MICAL2: variants seen among roughly 807,000 people sequenced by gnomAD.
The protein encoded by MICAL2 is [F-actin]-monooxygenase MICAL2.
A neutral mutation model predicts 127.3 loss-of-function variants in MICAL2; 77 were observed. That is an observed-to-expected ratio of 0.60 (90% CI 0.50 to 0.73). The LOEUF (loss-of-function observed/expected upper bound fraction) is 0.73, where lower values mean the gene tolerates loss of function less well. Ranked by LOEUF, MICAL2 falls within the 30% of genes least tolerant of loss-of-function variation. MICAL2 has a pLI of 0.00. For missense variants in MICAL2, 1,351 were observed against 1,434.4 expected (o/e 0.94, Z 0.94); for synonymous variants, 570 against 551.1 (o/e 1.03, Z -0.48).
At chr11:12,259,445 G>C (rs1590688680) in intron 25 of MICAL2, among the ~76,000 whole-genome samples, 1 of 152,100 alleles carries the variant, frequency 6.6e-6, no homozygotes, top group African/African-American at 2.4e-5. Context: ...CTGTATTACT[G>C]GATCTTTACG....
At chr11:12,258,326 G>A (rs151304497) in intron 24 of MICAL2, 142 bp from the exon 25 acceptor site, 26 of 652,960 alleles carry the variant, frequency 4.0e-5, no homozygotes, top group Middle Eastern at 5.1e-4. Flanking sequence ...GACAGAAGCC[G>A]TTTCCCAAGT....
intron 6 of MICAL2, among the ~76,000 whole-genome samples, chr11:12,212,818 C>T (rs1230712497): frequency 6.6e-6 from 1 of 152,062 alleles, no homozygotes; most frequent in African/African-American, 2.4e-5. Context: ...TGTTAAAATC[C>T]CTGTCCTGCA....
intron 22 of MICAL2, among the ~76,000 whole-genome samples, chr11:12,250,833 C>T (rs1475986457): frequency 6.6e-6 from 1 of 152,222 alleles, no homozygotes; most frequent in African/African-American, 2.4e-5. Flanking sequence ...ATTATAAGCT[C>T]TTCTCTTGAC....
At chr11:12,261,279 G>A (rs1429933323) in intron 26 of MICAL2, 1 of 985,432 alleles carries the variant, frequency 1.0e-6, no homozygotes, top group East Asian at 1.1e-4. Flanking sequence ...ACTGCCCTGG[G>A]AAAGGAATGG....
intron 31 of MICAL2, among the ~76,000 whole-genome samples, chr11:12,325,219 C>T (rs1864341347): frequency 6.6e-6 from 1 of 152,192 alleles, no homozygotes; most frequent in Admixed American, 6.5e-5. Context: ...AAGCGATTCT[C>T]TTGCCTCAGC....
chr11:12,352,898 C>T (rs553568827), intron 33 of MICAL2, among the ~76,000 whole-genome samples: 13 of 152,310 alleles, frequency 8.5e-5, no homozygotes, highest in South Asian at 4.1e-4. Context: ...GACTGCCCAT[C>T]GAGGAATTCC....
intron 2 of MICAL2, among the ~76,000 whole-genome samples, chr11:12,143,764 G>A (rs570762327): frequency 1.2e-4 from 19 of 152,324 alleles, no homozygotes; most frequent in African/African-American, 4.3e-4. Flanking sequence ...AGGAGCTGGG[G>A]CTCTGGGTTG....
Position 12,256,145 on chromosome 11 carries a change from C to A in MICAL2, c.2955+395C>A, listed in dbSNP as rs74606780. 375 of 174,468 alleles carry A rather than the reference C, an allele frequency of 2.1e-3. 2 individuals carry two copies. Among genetic ancestry groups the A allele is most frequent in the African/African-American group, 8.4e-3 (358 of 42,448 alleles). 10.8% of individuals were successfully genotyped at this position (174,468 alleles called of 1,614,324 possible). A position where few individuals can be genotyped will look rare whatever the true frequency, so the allele number is the denominator to read the frequency against. On this transcript the variant is annotated intron_variant, in intron 23 of 27. Transcript: ENST00000683283. ...GGAAAATAGCCCTTTGATTTGAATT[C>A]TCCCTTTCTCTAAACTGGGCTGCTC...
chr11:12,338,456 T>G (rs1376573083), intron 32 of MICAL2, among the ~76,000 whole-genome samples: 2 of 152,168 alleles, frequency 1.3e-5, no homozygotes, highest in African/African-American at 4.8e-5. Context: ...CCATTTACGT[T>G]TAAGGGTAAT....
At chr11:12,226,657 T>G (rs969377333) in intron 14 of MICAL2, among the ~76,000 whole-genome samples, 3 of 149,000 alleles carry the variant, frequency 2.0e-5, no homozygotes, top group African/African-American at 4.9e-5. Context: ...TTTGGTTTTT[T>G]TTTTTTTTTT....
intron 27 of MICAL2, chr11:12,263,298 C>G (rs1590707157): frequency 6.6e-6 from 1 of 152,244 alleles, no homozygotes; most frequent in South Asian, 2.1e-4. Flanking sequence ...GCTTAAAGCA[C>G]ACATTTCTGC....
intron 32 of MICAL2, among the ~76,000 whole-genome samples, chr11:12,332,335 ATCT>A (rs1487694794): frequency 1.3e-5 from 2 of 152,254 alleles, no homozygotes; most frequent in Admixed American, 6.5e-5. Context: ...AAGGGTTGAG[ATCT>A]TCTGTGATTC....
chr11:12,188,531 A>C (rs1956713422), intron 3 of MICAL2, among the ~76,000 whole-genome samples: 1 of 152,114 alleles, frequency 6.6e-6, no homozygotes, highest in South Asian at 2.1e-4. Flanking sequence ...ACACCCTACA[A>C]CCAAAATTAT....
chr11:12,313,548 T>C (rs1864198692), intron 29 of MICAL2, among the ~76,000 whole-genome samples: 1 of 152,234 alleles, frequency 6.6e-6, no homozygotes, highest in African/African-American at 2.4e-5. Context: ...TGACATATCA[T>C]CAATTTAATA....
chr11:12,222,284 G>A (rs1856908606), intron 10 of MICAL2, among the ~76,000 whole-genome samples: 1 of 152,190 alleles, frequency 6.6e-6, no homozygotes, highest in African/African-American at 2.4e-5. Flanking sequence ...GAAGCCTGTG[G>A]TCGTGGGGAG....
At chr11:12,163,391 C>T (rs995904698) in intron 3 of MICAL2, among the ~76,000 whole-genome samples, 1 of 152,184 alleles carries the variant, frequency 6.6e-6, no homozygotes, top group Non-Finnish European at 1.5e-5. Flanking sequence ...GGAATTCCAG[C>T]CGGTGCCAAT....
intron 29 of MICAL2, among the ~76,000 whole-genome samples, chr11:12,298,000 G>T (rs1864006674): frequency 6.6e-6 from 1 of 150,696 alleles, no homozygotes; most frequent in Non-Finnish European, 1.5e-5. Context: ...AAATTTCCTG[G>T]CTCTTCTTGC....
downstream of MICAL2, among the ~76,000 whole-genome samples, chr11:12,266,165 G>A (rs1314025204): frequency 6.6e-6 from 1 of 152,056 alleles, no homozygotes; most frequent in Non-Finnish European, 1.5e-5. Context: ...AAAGAAAAAA[G>A]TAAAACTGTA....
At chr11:12,324,263 C>T (rs533376287) in intron 31 of MICAL2, among the ~76,000 whole-genome samples, 1 of 152,236 alleles carries the variant, frequency 6.6e-6, no homozygotes, top group African/African-American at 2.4e-5. Flanking sequence ...GACTCTGGGT[C>T]CTGGAGAGCC....
Sources: gnomAD v4.1 joint callset for allele counts (sites outside exome capture counted in the v4.1 genomes callset) on GRCh38, gnomAD v4.1.1 for gene constraint, MANE v1.5 for transcripts, NCBI Gene and HGNC (gene_info 2026-07-23, HGNC 2026-07-21) for gene names.